CD3E: variants seen among roughly 807,000 people sequenced by gnomAD.
CD3E encodes the protein CD3 epsilon subunit of T-cell receptor complex.
Under a neutral mutation model 34.7 loss-of-function variants are expected in CD3E, and 16 were observed. That is an observed-to-expected ratio of 0.46 (90% CI 0.31 to 0.70). CD3E has a LOEUF of 0.70. CD3E is among the 30% of genes least tolerant of loss of function. The probability of loss-of-function intolerance (pLI) is 0.05; values close to 1 mark genes in which losing one functional copy is unlikely to be tolerated. For missense variants in CD3E, 223 were observed against 253.9 expected (o/e 0.88, Z 0.83); for synonymous variants, 70 against 90.8 (o/e 0.77, Z 1.30).
intron 2 of CD3E, among the ~76,000 whole-genome samples, chr11:118,305,328 G>A (rs1948099857): frequency 6.6e-6 from 1 of 152,210 alleles, no homozygotes; most frequent in South Asian, 2.1e-4. Flanking sequence ...CTGGAAGAGC[G>A]AAGCTCCACT....
chr11:118,313,930 G>A (rs995228474), intron 7 of CD3E, 56 bp downstream of exon 7: 4 of 1,585,054 alleles, frequency 2.5e-6, no homozygotes, highest in Non-Finnish European at 2.6e-6. Flanking sequence ...CGACCAGCCT[G>A]GGCCAGGGTG....
Position 118,304,877 on chromosome 11 carries a change from T to C in CD3E, c.-59-17T>C, listed in dbSNP as rs1251628263. On this transcript the variant is annotated splice_polypyrimidine_tract_variant and intron_variant, in intron 1 of 8. Transcript: ENST00000361763. ...GCAGATGTTTTGAAAAAGTCATCTG[T>C]TTTGCTTTTTTTCCAGAAGTAGTAA... 6.2e-6 allele frequency: 8 copies of C among 1,291,032 alleles called. No individual in the cohort carries two copies. The highest frequency in any genetic ancestry group is 3.4e-5 in the Admixed American group (2 of 59,620). 80.0% of individuals were successfully genotyped at this position (1,291,032 alleles called of 1,614,324 possible). A position where few individuals can be genotyped will look rare whatever the true frequency, so the allele number is the denominator to read the frequency against.
At chr11:118,312,945 T>C (rs1948144272) in intron 6 of CD3E, 79 bp downstream of exon 6, 2 of 1,560,638 alleles carry the variant, frequency 1.3e-6, no homozygotes, top group Non-Finnish European at 1.8e-6. Flanking sequence ...TGATTTTCCC[T>C]AACCCAGCTC....
chr11:118,310,188 C>T (rs560926906), intron 4 of CD3E, among the ~76,000 whole-genome samples: 1 of 152,132 alleles, frequency 6.6e-6, no homozygotes, highest in African/African-American at 2.4e-5. Context: ...TAAACTTGTG[C>T]CATGGGGGTT....
rs888475605 is a variant in CD3E at position 118,315,792 on chromosome 11, G to C, written c.*250G>C. The C allele has an allele frequency of 2.7e-5, 16 of 595,078 alleles. No individual in the cohort carries two copies. The highest frequency in any genetic ancestry group is 2.6e-4 in the African/African-American group (14 of 53,922). 36.9% of individuals were successfully genotyped at this position (595,078 alleles called of 1,614,324 possible). A position where few individuals can be genotyped will look rare whatever the true frequency, so the allele number is the denominator to read the frequency against. On this transcript the variant is annotated 3_prime_UTR_variant, in exon 9 of 9. Transcript: ENST00000361763. ...GTAGTCACACCCTCACAGCTGGCCT[G>C]CCCTCTTGCCAGGATATTTATTTGT... is the stretch of plus-strand genomic sequence containing the variant.
chr11:118,311,915 A>C (rs910192050), intron 4 of CD3E, among the ~76,000 whole-genome samples: 1 of 152,196 alleles, frequency 6.6e-6, no homozygotes, highest in Non-Finnish European at 1.5e-5. Flanking sequence ...TCATGCTGGT[A>C]TATTCTGAAT....
At position 118,315,473 on chromosome 11, in the gene CD3E, ATT is replaced by A. The variant is rs764127460; in HGVS notation, c.568-11_568-10del. ...CCGCACCACTGACCGCCCCCTCTCT[ATT>A]TCACCCCCAGCCCATCCGGAAAGGC... On this transcript the variant is annotated splice_polypyrimidine_tract_variant and intron_variant, in intron 8 of 8. Coordinates refer to ENST00000361763, the MANE Select transcript of CD3E (RefSeq NM_000733.4). 8.7e-6 allele frequency: 14 copies of A among 1,608,960 alleles called. No individual in the cohort carries two copies. The African/African-American group carries it at 1.8e-4, about 20-fold the overall frequency.
In CD3E at chr11:118,305,051, G is replaced by A. The variant is rs200785719; in HGVS notation, c.49+50G>A. 38 of 1,526,860 alleles carry A rather than the reference G, an allele frequency of 2.5e-5. No homozygotes were observed. The African/African-American group carries it at 5.2e-4, about 21-fold the overall frequency. The allele number at this position is 1,526,860 out of a possible 1,614,324, so 94.6% of individuals were successfully genotyped here. A position where few individuals can be genotyped will look rare whatever the true frequency, so the allele number is the denominator to read the frequency against. ...TGGTGTGTCTCCAGACCGCTGGAAG[G>A]CTTACAGCCTTACCTGGCACTGCCT... On this transcript the variant is annotated intron_variant, in intron 2 of 8. Transcript: ENST00000361763.
chr11:118,305,699 T>G (rs745880566), intron 2 of CD3E, among the ~76,000 whole-genome samples: 6 of 152,238 alleles, frequency 3.9e-5, no homozygotes, highest in Non-Finnish European at 7.3e-5. Context: ...TATAAACTGA[T>G]AAGTCCTCTC....
At position 118,312,096 on chromosome 11, in the gene CD3E, C is replaced by T. The variant is rs570072109; in HGVS notation, c.86-57C>T. The T allele has an allele frequency of 3.4e-5, 52 of 1,513,672 alleles. 1 individual carries two copies. The South Asian group carries it at 4.6e-4, about 13-fold the overall frequency. The allele number at this position is 1,513,672 out of a possible 1,614,324, so 93.8% of individuals were successfully genotyped here. A position where few individuals can be genotyped will look rare whatever the true frequency, so the allele number is the denominator to read the frequency against. On this transcript the variant is annotated intron_variant, in intron 4 of 8. Coordinates refer to ENST00000361763, the MANE Select transcript of CD3E (RefSeq NM_000733.4). Reference sequence around the variant, plus strand: ...AATTCCACTAGAAAAGTTTTACCTACAATTTAAACTTAAACCATGATATTT... The same window carrying T: ...AATTCCACTAGAAAAGTTTTACCTATAATTTAAACTTAAACCATGATATTT...
chr11:118,309,007 G>A (rs1242844356), intron 4 of CD3E, among the ~76,000 whole-genome samples: 1 of 152,126 alleles, frequency 6.6e-6, no homozygotes, highest in Non-Finnish European at 1.5e-5. Context: ...GAATTTTAAA[G>A]GATAAGCTTA....
chr11:118,306,033 T>C (rs370768991), intron 2 of CD3E, among the ~76,000 whole-genome samples: 3 of 152,196 alleles, frequency 2.0e-5, no homozygotes, highest in East Asian at 1.9e-4. Flanking sequence ...AGACTGGAAA[T>C]GGAGATTCCG....
chr11:118,313,308 T>C (rs1328633495), intron 6 of CD3E: 1 of 349,062 alleles, frequency 2.9e-6, no homozygotes, highest in African/African-American at 2.1e-5. Flanking sequence ...TGAGTGCTTA[T>C]TAAGTCTCAA....
At chr11:118,315,462 GC>G in intron 8 of CD3E, 23 bp from the exon 9 acceptor site, 3 of 1,607,932 alleles carry the variant, frequency 1.9e-6, no homozygotes, top group Non-Finnish European at 2.6e-6. Context: ...ACCACTGACC[GC>G]CCCCTCTCTA....
At chr11:118,311,267 A>G (rs1948134141) in intron 4 of CD3E, among the ~76,000 whole-genome samples, 1 of 152,164 alleles carries the variant, frequency 6.6e-6, no homozygotes, top group African/African-American at 2.4e-5. Flanking sequence ...TTATGTCCAG[A>G]CTGTAGCAGA....
intron 2 of CD3E, among the ~76,000 whole-genome samples, chr11:118,306,105 C>G (rs910711654): frequency 1.3e-5 from 2 of 151,976 alleles, no homozygotes; most frequent in Non-Finnish European, 2.9e-5. Flanking sequence ...TATTGAGTAG[C>G]GAGGGGCAGG....
chr11:118,315,838 T>G lies in CD3E; in HGVS notation c.*296T>G. 1.9e-6 allele frequency: 1 copy of G among 538,234 alleles called. No individual in the cohort carries two copies. Among genetic ancestry groups the G allele is most frequent in the South Asian group, 2.2e-5 (1 of 45,790 alleles). 33.3% of individuals were successfully genotyped at this position (538,234 alleles called of 1,614,324 possible). A position where few individuals can be genotyped will look rare whatever the true frequency, so the allele number is the denominator to read the frequency against. On this transcript the variant is annotated 3_prime_UTR_variant, in exon 9 of 9. Coordinates refer to ENST00000361763, the MANE Select transcript of CD3E (RefSeq NM_000733.4). The stretch of plus-strand genomic sequence containing the variant: ...TTTGTGCTATTCACTCCCTTCCCTT[T>G]GGATGTAACTTCTCCGTTCAGTTCC...
At chr11:118,313,107 C>T in intron 6 of CD3E, 1 of 554,718 alleles carries the variant, frequency 1.8e-6, no homozygotes, top group South Asian at 1.9e-5. Flanking sequence ...ATAGCAACTC[C>T]CTAAGAGACA....
chr11:118,307,747 C>T (rs1948115451), intron 3 of CD3E, among the ~76,000 whole-genome samples: 1 of 152,202 alleles, frequency 6.6e-6, no homozygotes, highest in Non-Finnish European at 1.5e-5. Context: ...TGCAAGTGCA[C>T]ATGCATATGA....
Sources: gnomAD v4.1 joint callset for allele counts (sites outside exome capture counted in the v4.1 genomes callset) on GRCh38, gnomAD v4.1.1 for gene constraint, MANE v1.5 for transcripts, NCBI Gene and HGNC (gene_info 2026-07-23, HGNC 2026-07-21) for gene names.